Variants in BLK observed in about 807,000 individuals in gnomAD.
BLK encodes the protein tyrosine-protein kinase Blk.
In BLK, 64 loss-of-function variants were observed where a neutral mutation model predicts 61.8. The observed-to-expected ratio is 1.03, with a 90% CI of 0.85 to 1.27. The LOEUF is 1.27. BLK is among the 50% of genes most tolerant of loss of function. BLK has a pLI of 0.00. For synonymous variants in BLK, 351 were observed against 272.0 expected (o/e 1.29, Z -2.86); for missense variants, 853 against 660.5 (o/e 1.29, Z -3.19).
chr8:11,508,710 G>A (rs149395066), intron 1 of BLK, among the ~76,000 whole-genome samples: 156 of 152,292 alleles, frequency 1.0e-3, no homozygotes, highest in African/African-American at 3.4e-3. Context: ...GCTGGGCCTC[G>A]GGCGGCAGAA....
chr8:11,546,082 C>G lies in BLK; in HGVS notation c.154C>G (p.Pro52Ala). The part of the protein sequence containing the change: ...VVFNHLTPPP[P>A]DEHLDEDKHF... ...CTTCAACCACCTTACTCCTCCACCGCCCGATGAACACCTGGATGAAGGTAA... is the reference window on the plus strand; with the variant it reads ...CTTCAACCACCTTACTCCTCCACCGGCCGATGAACACCTGGATGAAGGTAA... The change falls in exon 3 of 13, where the codon CCC (proline) becomes GCC (alanine). Residue 52 changes from proline to alanine, a missense_variant. Coordinates refer to ENST00000259089, the MANE Select transcript of BLK (RefSeq NM_001715.3). The G allele has an allele frequency of 3.7e-6, 6 of 1,614,218 alleles. No individual in the cohort carries two copies. Among genetic ancestry groups the G allele is most frequent in the Non-Finnish European group, 5.1e-6 (6 of 1,180,032 alleles).
intron 1 of BLK, among the ~76,000 whole-genome samples, chr8:11,529,749 G>C (rs1799812823): frequency 6.6e-6 from 1 of 152,178 alleles, no homozygotes; most frequent in Non-Finnish European, 1.5e-5. Flanking sequence ...TTCAGCCTAT[G>C]CCCAGGAATG....
intron 1 of BLK, among the ~76,000 whole-genome samples, chr8:11,508,536 G>A (rs958985593): frequency 6.6e-6 from 1 of 152,206 alleles, no homozygotes; most frequent in African/African-American, 2.4e-5. Context: ...GCCCCCACCC[G>A]TGGCTTTTCA....
At chr8:11,545,779 G>A (rs1222775434) in intron 2 of BLK, 1 of 506,050 alleles carries the variant, frequency 2.0e-6, no homozygotes, top group Admixed American at 3.2e-5. Context: ...CAAGTGGTTG[G>A]GCTTTCCCTC....
At chr8:11,535,306 A>AAGAAAGAAAG (rs1800084428) in intron 1 of BLK, among the ~76,000 whole-genome samples, 2 of 145,888 alleles carry the variant, frequency 1.4e-5, no homozygotes, top group African/African-American at 4.9e-5. Context: ...GAAAGAAAGA[A>AAGAAAGAAAG]AGAAAGAAAG....
intron 4 of BLK, 92 bp from the exon 5 acceptor site, chr8:11,548,932 A>G: frequency 2.6e-6 from 3 of 1,146,904 alleles, no homozygotes; most frequent in Non-Finnish European, 3.9e-6. Flanking sequence ...TCTGCCCTCC[A>G]GGGAGAGATG....
chr8:11,501,812 A>G (rs1345299914), intron 1 of BLK, among the ~76,000 whole-genome samples: 1 of 152,188 alleles, frequency 6.6e-6, no homozygotes, highest in Non-Finnish European at 1.5e-5. Context: ...TGAAACAACA[A>G]AGAGTTGGGG....
chr8:11,543,961 A>G (rs1053248378), intron 2 of BLK, among the ~76,000 whole-genome samples: 2 of 135,414 alleles, frequency 1.5e-5, no homozygotes, highest in Non-Finnish European at 3.1e-5. Context: ...ATGTCTGAAG[A>G]TGCATTTTTT....
rs1798295657 is a variant in BLK, at chr8:11,494,585, T to C, written c.-8T>C. 6.6e-6 allele frequency: 1 copy of C among 152,298 alleles called. No individual in the cohort carries two copies. The highest frequency in any genetic ancestry group is 2.4e-5 in the African/African-American group (1 of 41,474). 9.4% of individuals were successfully genotyped at this position (152,298 alleles called of 1,614,324 possible). On this transcript the variant is annotated 5_prime_UTR_variant, in exon 1 of 13. Transcript: ENST00000259089. Reference sequence around the variant, plus strand: ...CTATGGTGAAACACCACTGAAGCATTGCCAAGGTGAGGCCCTGCGTCTTCC... The same window carrying C: ...CTATGGTGAAACACCACTGAAGCATCGCCAAGGTGAGGCCCTGCGTCTTCC...
chr8:11,551,982 G>A (rs1800926281), intron 6 of BLK, among the ~76,000 whole-genome samples: 1 of 152,318 alleles, frequency 6.6e-6, no homozygotes, highest in South Asian at 2.1e-4. Context: ...TCATCAGGAA[G>A]CTGTCCACAG....
intron 8 of BLK, 50 bp from the exon 9 acceptor site, chr8:11,556,608 C>T (rs146484247): frequency 4.5e-5 from 72 of 1,612,652 alleles, no homozygotes; most frequent in Non-Finnish European, 5.5e-5. Flanking sequence ...GGATCACCTC[C>T]GAGCAAGCTC....
chr8:11,504,142 G>C (rs1174368675), intron 1 of BLK, among the ~76,000 whole-genome samples: 1 of 152,104 alleles, frequency 6.6e-6, no homozygotes, highest in Non-Finnish European at 1.5e-5. Context: ...TGGCCAACAT[G>C]GCGAAACTGT....
At position 11,556,848 on chromosome 8, in the gene BLK, C is replaced by T. The variant is rs775543972; in HGVS notation, c.952+11C>T. The T allele has an allele frequency of 6.2e-7, 1 of 1,613,240 alleles. No homozygotes were observed. Among genetic ancestry groups the T allele is most frequent in the South Asian group, 1.1e-5 (1 of 90,964 alleles). ...AGTACATGGCCAGAGGTGGTGCCCC[C>T]CGCAGAGCCGCATCCTCAGAGCGAG... On this transcript the variant is annotated intron_variant, in intron 9 of 12. Coordinates refer to ENST00000259089, the MANE Select transcript of BLK (RefSeq NM_001715.3).
intron 1 of BLK, among the ~76,000 whole-genome samples, chr8:11,516,092 G>A (rs1333233870): frequency 6.6e-6 from 1 of 152,218 alleles, no homozygotes; most frequent in Non-Finnish European, 1.5e-5. Flanking sequence ...TTGAAAGGAA[G>A]GAAATTCCTT....
chr8:11,544,875 A>G (rs1236966173), intron 2 of BLK, among the ~76,000 whole-genome samples: 2 of 152,166 alleles, frequency 1.3e-5, no homozygotes, highest in Non-Finnish European at 2.9e-5. Context: ...ACCAAAACGC[A>G]CACTTGTATA....
intron 3 of BLK, 118 bp downstream of exon 3, chr8:11,546,221 G>C: frequency 1.6e-6 from 2 of 1,277,030 alleles, no homozygotes; most frequent in Non-Finnish European, 2.3e-6. Flanking sequence ...AGAGAAAACG[G>C]GGAAGCTGAG....
At chr8:11,533,627 G>A (rs1799989931) in intron 1 of BLK, among the ~76,000 whole-genome samples, 1 of 148,256 alleles carries the variant, frequency 6.7e-6, no homozygotes, top group Non-Finnish European at 1.5e-5. Context: ...AGGAGTAGGA[G>A]GAGGGGGAAG....
intron 1 of BLK, among the ~76,000 whole-genome samples, chr8:11,513,370 C>A (rs555858016): frequency 6.6e-6 from 1 of 152,142 alleles, no homozygotes; most frequent in Non-Finnish European, 1.5e-5. Flanking sequence ...AGTGGAGAGA[C>A]GAAGAGAAAC....
rs554284389 is a variant in BLK at position 11,561,387 on chromosome 8, T to A, written c.1115T>A (p.Leu372Ter). ...RAANILVSEA[L>*]CCKIADFGLA... is the part of the protein sequence containing the mutation. ...GCCAACATCCTGGTGTCTGAGGCCT[T>A]GTGCTGCAAAATTGCTGATTTTGGC... Residue 372 changes from leucine (L) to a stop codon, truncating the protein, a stop_gained, in exon 11 of 13, where the codon TTG becomes TAG. Transcript: ENST00000259089. LOFTEE classifies it high-confidence loss of function. 1 of 1,614,114 alleles carries A rather than the reference T, an allele frequency of 6.2e-7. No homozygotes were observed. The highest frequency in any genetic ancestry group is 1.3e-5 in the African/African-American group (1 of 75,044).
Sources: allele counts gnomAD v4.1 joint callset (sites outside exome capture counted in the v4.1 genomes callset), GRCh38; gene constraint gnomAD v4.1.1; transcripts MANE v1.5; gene names NCBI Gene and HGNC (gene_info 2026-07-23, HGNC 2026-07-21).